GFOD2: variants seen among roughly 807,000 people sequenced by gnomAD.
GFOD2 encodes Gfo/Idh/MocA-like oxidoreductase domain containing 2.
A neutral mutation model predicts 24.6 loss-of-function variants in GFOD2; 9 were observed. The ratio of observed to expected loss-of-function variants is 0.37; its 90% confidence interval spans 0.22 to 0.64. The LOEUF is 0.64. Among genes scored for constraint, GFOD2 ranks in the 30% least tolerant of loss-of-function variants. The pLI, the probability that GFOD2 is intolerant of heterozygous loss-of-function variation, is 0.65. For missense variants in GFOD2, 476 were observed against 532.5 expected, an observed-to-expected ratio of 0.89 and a Z score of 1.04; for synonymous variants, 211 against 224.8, an observed-to-expected ratio of 0.94 and a Z score of 0.55.
chr16:67,710,775 G>A (rs1288689557), intron 1 of GFOD2, among the ~76,000 whole-genome samples: 1 of 152,156 alleles, frequency 6.6e-6, no homozygotes, highest in Non-Finnish European at 1.5e-5. Flanking sequence ...CTGACATTGT[G>A]AGTCATTTTC....
intron 1 of GFOD2, among the ~76,000 whole-genome samples, chr16:67,692,355 G>A (rs1332605458): frequency 6.6e-6 from 1 of 152,096 alleles, no homozygotes; most frequent in African/African-American, 2.4e-5. Context: ...GCAGAGGTGG[G>A]CGGATCACCT....
intron 1 of GFOD2, among the ~76,000 whole-genome samples, chr16:67,715,004 T>C (rs1196125785): frequency 6.6e-6 from 1 of 152,152 alleles, no homozygotes; most frequent in Non-Finnish European, 1.5e-5. Context: ...GGTTCAAGGG[T>C]ACTAAGTAAC....
At chr16:67,679,900 C>T (rs987467904) in intron 2 of GFOD2, among the ~76,000 whole-genome samples, 1 of 149,110 alleles carries the variant, frequency 6.7e-6, no homozygotes, top group Non-Finnish European at 1.5e-5. Context: ...AAAAAAAAAA[C>T]AACAACAACA....
At position 67,675,205 on chromosome 16, in the gene GFOD2, G is replaced by A; in HGVS notation, c.1108C>T (p.Pro370Ser). 1.2e-6 allele frequency: 2 copies of A among 1,613,916 alleles called. No homozygotes were observed. Among genetic ancestry groups the A allele is most frequent in the Non-Finnish European group, 1.7e-6 (2 of 1,180,020 alleles). ...WEAVEVLTEE[P>S]DTNQNLCEAL... is the part of the protein sequence containing the mutation. ...TCACACAGGTTCTGGTTGGTGTCGG[G>A]CTCCTCCGTCAGCACCTCCACAGCC... The change falls in exon 3 of 3, where the codon CCC (proline) becomes TCC (serine). Residue 370 changes from proline (P) to serine (S), a missense_variant. By Grantham distance (74) the Pro-to-Ser change is moderately conservative. Transcript: ENST00000268797.
intron 2 of GFOD2, chr16:67,682,544 G>A: frequency 3.0e-6 from 3 of 985,338 alleles, no homozygotes; most frequent in Non-Finnish European, 3.6e-6. Flanking sequence ...AGAAATTCAT[G>A]GGAAAGCTTT....
chr16:67,687,636 G>C (rs1251819032), intron 1 of GFOD2, among the ~76,000 whole-genome samples: 1 of 113,074 alleles, frequency 8.8e-6, no homozygotes, highest in Admixed American at 1.1e-4. Context: ...GCAAGACTCC[G>C]TCTCAAAAAA....
At chr16:67,679,912 C>CA (rs796819227) in intron 2 of GFOD2, among the ~76,000 whole-genome samples, 83 of 149,836 alleles carry the variant, frequency 5.5e-4, no homozygotes, top group Non-Finnish European at 9.1e-4. Flanking sequence ...ACAACAACAA[C>CA]AAAAAAAAAC....
chr16:67,702,596 T>TC (rs2142996598), intron 1 of GFOD2, among the ~76,000 whole-genome samples: 1 of 108,486 alleles, frequency 9.2e-6, no homozygotes, highest in South Asian at 3.1e-4. Context: ...GCCAGGATTT[T>TC]TTTTTTTTTT....
chr16:67,709,452 G>C (rs1013437747), intron 1 of GFOD2, among the ~76,000 whole-genome samples: 1 of 152,080 alleles, frequency 6.6e-6, no homozygotes, highest in African/African-American at 2.4e-5. Context: ...CAAAGTGCAG[G>C]ATACTTCAGT....
chr16:67,703,990 G>T (rs1427851907), intron 1 of GFOD2, among the ~76,000 whole-genome samples: 2 of 152,088 alleles, frequency 1.3e-5, no homozygotes, highest in Non-Finnish European at 2.9e-5. Flanking sequence ...TGTCCTCAAG[G>T]TTCATCCATG....
intron 1 of GFOD2, among the ~76,000 whole-genome samples, chr16:67,693,756 G>C (rs1054193940): frequency 6.6e-6 from 1 of 152,026 alleles, no homozygotes; most frequent in South Asian, 2.1e-4. Context: ...CCATTTTAAA[G>C]TGAACAATTC....
chr16:67,689,131 C>CT (rs2053292591), intron 1 of GFOD2, among the ~76,000 whole-genome samples: 1 of 151,636 alleles, frequency 6.6e-6, no homozygotes, highest in Non-Finnish European at 1.5e-5. Context: ...CCTCCCCCTC[C>CT]TGGTTTCGAG....
At chr16:67,691,655 C>T (rs1386754717) in intron 1 of GFOD2, among the ~76,000 whole-genome samples, 1 of 152,110 alleles carries the variant, frequency 6.6e-6, no homozygotes, top group Non-Finnish European at 1.5e-5. Flanking sequence ...ACTGTACCCC[C>T]CCAGGAGCTC....
chr16:67,687,271 G>A (rs2142994122), intron 1 of GFOD2, among the ~76,000 whole-genome samples: 1 of 151,928 alleles, frequency 6.6e-6, no homozygotes, highest in Admixed American at 6.6e-5. Flanking sequence ...AGCAAACATA[G>A]GAAAATGCTC....
chr16:67,707,058 C>CAAA (rs34823143), intron 1 of GFOD2, among the ~76,000 whole-genome samples: 2 of 102,874 alleles, frequency 1.9e-5, no homozygotes, highest in Admixed American at 1.1e-4. Flanking sequence ...GACTCCATCT[C>CAAA]AAAAAAAAAA....
rs557593971 is a variant in GFOD2, at chr16:67,693,842, C to G, written c.-87-8040G>C. On this transcript the variant is annotated intron_variant, in intron 1 of 2. Coordinates refer to ENST00000268797, the MANE Select transcript of GFOD2 (RefSeq NM_030819.4). ...GGCTGAGGTGGGAGGATTACTTGTG[C>G]CCAGGAGTTTCAGGCTATAGTGGGT... 7.2e-5 allele frequency among the ~76,000 whole-genome samples: 11 copies of G among 152,084 alleles called. No individual in the cohort carries two copies. In the South Asian group the frequency reaches 1.9e-3, roughly 26 times the overall value.
intron 1 of GFOD2, among the ~76,000 whole-genome samples, chr16:67,698,518 C>T (rs772144991): frequency 7.2e-5 from 11 of 152,060 alleles, no homozygotes; most frequent in Non-Finnish European, 1.5e-4. Flanking sequence ...CTTGCTCTGT[C>T]ACCCAGGCTG....
At chr16:67,715,693 AG>A (rs1319314258) in intron 1 of GFOD2, among the ~76,000 whole-genome samples, 2 of 152,238 alleles carry the variant, frequency 1.3e-5, no homozygotes, top group Non-Finnish European at 1.5e-5. Flanking sequence ...AATGCAAGAA[AG>A]ATAATGTTCC....
rs2053260519 is a variant in GFOD2, at chr16:67,685,609, T to G, written c.107A>C (p.Lys36Thr). ...EGFTVEALWG[K>T]TEEEAKQLAE... ...AAGCTGCTTCGCCTCCTCCTCAGTC[T>G]TCCCCCACAGGGCCTCAACAGTGAA... The change falls in exon 2 of 3, where the codon AAG (lysine) becomes ACG (threonine). Residue 36 changes from lysine (K) to threonine (T), a missense_variant. Transcript: ENST00000268797. 1.2e-6 allele frequency: 2 copies of G among 1,614,042 alleles called. No individual in the cohort carries two copies. Among genetic ancestry groups the G allele is most frequent in the East Asian group, 2.2e-5 (1 of 44,878 alleles).
Sources: gnomAD v4.1 joint callset for allele counts (sites outside exome capture counted in the v4.1 genomes callset) on GRCh38, gnomAD v4.1.1 for gene constraint, MANE v1.5 for transcripts, NCBI Gene and HGNC (gene_info 2026-07-23, HGNC 2026-07-21) for gene names.